The following LCMT1 variants were observed in gnomAD, a reference collection of about 807,000 sequenced individuals.
LCMT1 encodes [Phosphatase 2A protein]-leucine-carboxy methyltransferase 1.
A neutral mutation model predicts 47.7 loss-of-function variants in LCMT1; 32 were observed. That is an observed-to-expected ratio of 0.67 (90% CI 0.51 to 0.90). The LOEUF is 0.90. LCMT1 is among the 40% of genes least tolerant of loss of function. The pLI is 0.00. For synonymous variants in LCMT1, 152 were observed against 149.7 expected (o/e 1.02, Z -0.11); for missense variants, 375 against 415.2 (o/e 0.90, Z 0.84).
intron 5 of LCMT1, 116 bp downstream of exon 5, chr16:25,151,731 A>G (rs1030335106): frequency 2.2e-4 from 46 of 207,446 alleles, no homozygotes; most frequent in Admixed American, 1.8e-4. Context: ...GTGGTGTTAT[A>G]CAATGTATTG....
At chr16:25,122,947 G>A (rs1293490142) in intron 1 of LCMT1, among the ~76,000 whole-genome samples, 1 of 152,104 alleles carries the variant, frequency 6.6e-6, no homozygotes, top group Non-Finnish European at 1.5e-5. Context: ...ACTGTGCCCA[G>A]CTTCAGAAGT....
rs553546202 is a variant in LCMT1, at chr16:25,175,452, C to T, written c.982+418C>T. The stretch of plus-strand genomic sequence containing the variant: ...CAGCCTGGCCAACATGATGAAACCC[C>T]GTCTCTACTAAAAATACAAAAAAAA... On this transcript the variant is annotated intron_variant, in intron 10 of 10. Coordinates refer to ENST00000399069, the MANE Select transcript of LCMT1 (RefSeq NM_016309.3). 3.5e-4 allele frequency among the ~76,000 whole-genome samples: 51 copies of T among 147,794 alleles called. No individual in the cohort carries two copies. The South Asian group carries it at 8.0e-3, about 23-fold the overall frequency.
intron 2 of LCMT1, among the ~76,000 whole-genome samples, chr16:25,131,915 A>G (rs750195543): frequency 1.3e-5 from 2 of 152,164 alleles, no homozygotes; most frequent in African/African-American, 4.8e-5. Flanking sequence ...CCCATTTTAC[A>G]TAGAGACTAA....
chr16:25,126,392 C>A (rs1350292731), intron 1 of LCMT1, among the ~76,000 whole-genome samples: 3 of 152,296 alleles, frequency 2.0e-5, no homozygotes, highest in Non-Finnish European at 4.4e-5. Flanking sequence ...TTCCCCGAGT[C>A]TTTCTGCCTG....
At chr16:25,164,516 C>G in intron 6 of LCMT1, 82 bp from the exon 7 acceptor site, 1 of 1,578,870 alleles carries the variant, frequency 6.3e-7, no homozygotes, top group Non-Finnish European at 8.7e-7. Flanking sequence ...GACCGCCCCA[C>G]CAATACTGCA....
intron 4 of LCMT1, among the ~76,000 whole-genome samples, chr16:25,149,383 A>G (rs1250065515): frequency 6.6e-6 from 1 of 152,118 alleles, no homozygotes; most frequent in East Asian, 1.9e-4. Context: ...CTGGGATGAG[A>G]CACTCCACCA....
intron 2 of LCMT1, among the ~76,000 whole-genome samples, chr16:25,131,611 A>G (rs1312206082): frequency 1.3e-5 from 2 of 152,208 alleles, no homozygotes; most frequent in Non-Finnish European, 2.9e-5. Flanking sequence ...ATAGTCACAT[A>G]CTGTTAACAG....
chr16:25,160,954 G>A, intron 5 of LCMT1, 148 bp from the exon 6 acceptor site: 1 of 608,256 alleles, frequency 1.6e-6, no homozygotes, highest in South Asian at 1.9e-5. Context: ...TGGAAGATAG[G>A]ATTTTGGTTA....
chr16:25,143,651 G>C (rs777869100), intron 4 of LCMT1: 4 of 152,232 alleles, frequency 2.6e-5, no homozygotes, highest in African/African-American at 9.6e-5. Flanking sequence ...TCTTCTCCCA[G>C]ATAAGTTCCC....
chr16:25,116,566 C>A (rs1438037647), intron 1 of LCMT1, among the ~76,000 whole-genome samples: 1 of 151,902 alleles, frequency 6.6e-6, no homozygotes, highest in Non-Finnish European at 1.5e-5. Flanking sequence ...CAGACCAGGT[C>A]CTGGAGGTCA....
intron 4 of LCMT1, chr16:25,146,833 T>C (rs1375906417): frequency 2.6e-5 from 4 of 152,202 alleles, no homozygotes; most frequent in Non-Finnish European, 5.9e-5. Context: ...CTTCTTTCTC[T>C]GGGTAATTTT....
At chr16:25,112,720 C>G (rs1959661459) in intron 1 of LCMT1, among the ~76,000 whole-genome samples, 1 of 152,126 alleles carries the variant, frequency 6.6e-6, no homozygotes, top group Admixed American at 6.5e-5. Context: ...CTGGAACTCA[C>G]AGCTTTGTTG....
In LCMT1 at chr16:25,130,057, A is replaced by G. The variant is rs184706327; in HGVS notation, c.205+1491A>G. On this transcript the variant is annotated intron_variant, in intron 2 of 10. Transcript: ENST00000399069. ...GATTTGGCCCTTAAGATTCTTCAAC[A>G]GGGCTGGACGTGATGGCTCACACCT... 1.8e-3 allele frequency among the ~76,000 whole-genome samples: 276 copies of G among 152,256 alleles called. 1 individual carries two copies. Among genetic ancestry groups the G allele is most frequent in the African/African-American group, 6.5e-3 (269 of 41,558 alleles).
At chr16:25,177,040 C>T (rs988598635) in intron 10 of LCMT1, among the ~76,000 whole-genome samples, 1 of 151,822 alleles carries the variant, frequency 6.6e-6, no homozygotes, top group Non-Finnish European at 1.5e-5. Flanking sequence ...TTTAGCTGGG[C>T]GTGGTGGCAC....
chr16:25,141,542 A>C (rs1013368582), intron 4 of LCMT1: 5 of 152,090 alleles, frequency 3.3e-5, no homozygotes, highest in African/African-American at 1.2e-4. Flanking sequence ...AATTTTGTAG[A>C]GATGGGGTTT....
chr16:25,114,874 C>T (rs111734833), intron 1 of LCMT1, among the ~76,000 whole-genome samples: 21 of 152,278 alleles, frequency 1.4e-4, no homozygotes, highest in African/African-American at 4.1e-4. Flanking sequence ...CTGGAGCCCT[C>T]CTGATTGCTG....
chr16:25,160,841 C>T (rs1394664023), intron 5 of LCMT1: 1 of 606,392 alleles, frequency 1.6e-6, no homozygotes, highest in Non-Finnish European at 3.1e-6. Context: ...TGTGTGTGCG[C>T]ACCATGTGCA....
intron 1 of LCMT1, chr16:25,126,076 A>G: frequency 7.4e-7 from 1 of 1,351,448 alleles, no homozygotes; most frequent in Non-Finnish European, 9.8e-7. Flanking sequence ...CCTTCTTCCT[A>G]GGGCGCATGG....
chr16:25,119,160 A>T (rs574210814), intron 1 of LCMT1, among the ~76,000 whole-genome samples: 1 of 152,070 alleles, frequency 6.6e-6, no homozygotes, highest in African/African-American at 2.4e-5. Flanking sequence ...GAGTTGATAG[A>T]ATGTTCTGGC....
Sources: allele counts gnomAD v4.1 joint callset (sites outside exome capture counted in the v4.1 genomes callset), GRCh38; gene constraint gnomAD v4.1.1; transcripts MANE v1.5; gene names NCBI Gene and HGNC (gene_info 2026-07-23, HGNC 2026-07-21).